Variants in MTA3 observed in about 807,000 individuals in gnomAD.
MTA3 encodes metastasis-associated protein MTA3.
MTA3 carries 34 observed loss-of-function variants against 83.5 expected under a neutral mutation model. That is an observed-to-expected ratio of 0.41 (90% CI 0.31 to 0.54). The LOEUF (loss-of-function observed/expected upper bound fraction) is 0.54, where lower values mean the gene tolerates loss of function less well. Among genes scored for constraint, MTA3 ranks in the 20% least tolerant of loss-of-function variants. MTA3 has a pLI of 0.33. For synonymous variants in MTA3, 303 were observed against 252.7 expected (o/e 1.20, Z -1.89); for missense variants, 761 against 726.4 (o/e 1.05, Z -0.55).
intron 4 of MTA3, among the ~76,000 whole-genome samples, chr2:42,638,738 G>C (rs1239583464): frequency 6.7e-6 from 1 of 148,804 alleles, no homozygotes; most frequent in Non-Finnish European, 1.5e-5. Context: ...TAATCTACTT[G>C]AATAAAATAT....
intron 14 of MTA3, 183 bp downstream of exon 14, chr2:42,709,279 G>GAA (rs11397049): frequency 3.6e-3 from 4,550 of 1,255,336 alleles, no homozygotes; most frequent in East Asian, 0.011. Flanking sequence ...TGCCAACCTG[G>GAA]AAAAAAAAAA....
At chr2:42,737,840 T>C (rs2104575673) in intron 16 of MTA3, among the ~76,000 whole-genome samples, 1 of 152,342 alleles carries the variant, frequency 6.6e-6, no homozygotes, top group South Asian at 2.1e-4. Context: ...AGGCCCAGAT[T>C]TGTATATTGA....
intron 16 of MTA3, among the ~76,000 whole-genome samples, chr2:42,750,021 C>T (rs113113741): frequency 5.9e-5 from 9 of 151,636 alleles, no homozygotes; most frequent in African/African-American, 2.2e-4. Context: ...GAGACGGAGT[C>T]TCACTCTGTC....
intron 4 of MTA3, among the ~76,000 whole-genome samples, chr2:42,626,682 T>G (rs1445304877): frequency 1.3e-5 from 2 of 152,166 alleles, no homozygotes; most frequent in Non-Finnish European, 2.9e-5. Flanking sequence ...GACTAGAAAA[T>G]TCTTCAGGAC....
At chr2:42,527,304 C>T (rs1422641586) in intron 2 of MTA3, among the ~76,000 whole-genome samples, 1 of 152,098 alleles carries the variant, frequency 6.6e-6, no homozygotes, top group East Asian at 1.9e-4. Context: ...AAGTTTGAAT[C>T]CTTCATTTGC....
Position 42,629,534 on chromosome 2 carries a change from A to G in MTA3, c.318-10639A>G, listed in dbSNP as rs566248782. On this transcript the variant is annotated intron_variant, in intron 4 of 16. Transcript: ENST00000405094. ...TACTCTGAGACACCAGGTTGCAGCA[A>G]AGAAGGAGGTTTAATTGTAAGGTCC... Among the ~76,000 whole-genome samples, 6 of 152,298 alleles carry G rather than the reference A, an allele frequency of 3.9e-5. No homozygotes were observed. The South Asian group carries it at 1.0e-3, about 26-fold the overall frequency.
At chr2:42,627,725 A>ATTTTTTT (rs869227831) in intron 4 of MTA3, among the ~76,000 whole-genome samples, 1,549 of 102,446 alleles carry the variant, frequency 0.015, no homozygotes, top group East Asian at 0.019. Flanking sequence ...GCCTGGCTAA[A>ATTTTTTT]TTTTTTTTTT....
chr2:42,513,196 T>C (rs1359599666), intron 2 of MTA3, among the ~76,000 whole-genome samples: 1 of 152,226 alleles, frequency 6.6e-6, no homozygotes, highest in Admixed American at 6.5e-5. Context: ...CTTTGTTACA[T>C]GTTTAAGTTA....
intron 3 of MTA3, among the ~76,000 whole-genome samples, chr2:42,602,011 TG>T (rs1426772549): frequency 6.6e-6 from 1 of 152,220 alleles, no homozygotes; most frequent in African/African-American, 2.4e-5. Flanking sequence ...GGCTAATTTT[TG>T]TATTTTTAGT....
At chr2:42,528,663 A>G (rs937257059) in intron 2 of MTA3, among the ~76,000 whole-genome samples, 5 of 152,188 alleles carry the variant, frequency 3.3e-5, no homozygotes, top group Admixed American at 3.3e-4. Flanking sequence ...TGATCTTCGG[A>G]AAATTGCCTG....
intron 8 of MTA3, among the ~76,000 whole-genome samples, chr2:42,667,578 G>GTGTGTGTGTGTGTGTGTGTGTT (rs1690357873): frequency 2.5e-4 from 33 of 129,912 alleles, no homozygotes; most frequent in East Asian, 8.3e-4. Context: ...AATTGTGTGT[G>GTGTGTGTGTGTGTGTGTGTGTT]TGTGTGTGTG....
chr2:42,540,484 T>C (rs185797793), intron 2 of MTA3, among the ~76,000 whole-genome samples: 224 of 152,192 alleles, frequency 1.5e-3, no homozygotes, highest in Non-Finnish European at 2.5e-3. Context: ...TAAATACCCT[T>C]GACAGGGGAA....
At chr2:42,692,667 T>A (rs996478546) in intron 9 of MTA3, among the ~76,000 whole-genome samples, 1 of 152,210 alleles carries the variant, frequency 6.6e-6, no homozygotes, top group Non-Finnish European at 1.5e-5. Context: ...CCTTACGTGA[T>A]CCTCCTGCCA....
At chr2:42,599,146 A>C (rs928709825) in intron 3 of MTA3, among the ~76,000 whole-genome samples, 17 of 152,082 alleles carry the variant, frequency 1.1e-4, no homozygotes, top group Admixed American at 1.3e-4. Context: ...CCTTTCCGCA[A>C]GTTTTTCCTG....
At chr2:42,515,862 A>G (rs1436206482) in intron 2 of MTA3, among the ~76,000 whole-genome samples, 1 of 146,404 alleles carries the variant, frequency 6.8e-6, no homozygotes, top group Non-Finnish European at 1.5e-5. Context: ...TTTTGAGACA[A>G]GAGTCTCGCT....
At chr2:42,683,729 C>A (rs534027753) in intron 9 of MTA3, among the ~76,000 whole-genome samples, 32 of 152,170 alleles carry the variant, frequency 2.1e-4, no homozygotes, top group African/African-American at 5.8e-4. Context: ...GGTTCATGCT[C>A]CCGTGAGAAT....
intron 14 of MTA3, among the ~76,000 whole-genome samples, chr2:42,712,541 T>A (rs1666712327): frequency 6.6e-6 from 1 of 151,308 alleles, no homozygotes; most frequent in African/African-American, 2.5e-5. Flanking sequence ...ATTATTTTAA[T>A]AATCTTTATA....
intron 5 of MTA3, among the ~76,000 whole-genome samples, chr2:42,643,891 G>T (rs752676996): frequency 6.6e-6 from 1 of 152,124 alleles, no homozygotes; most frequent in South Asian, 2.1e-4. Context: ...ACAAATAATA[G>T]AACTTTATAA....
intron 2 of MTA3, among the ~76,000 whole-genome samples, chr2:42,574,593 C>T (rs1373203726): frequency 6.6e-6 from 1 of 152,120 alleles, no homozygotes; most frequent in Admixed American, 6.6e-5. Context: ...CCTGCCACCA[C>T]ACCCAGCTAA....
Sources: gnomAD v4.1 joint callset for allele counts (sites outside exome capture counted in the v4.1 genomes callset) on GRCh38, gnomAD v4.1.1 for gene constraint, MANE v1.5 for transcripts, NCBI Gene and HGNC (gene_info 2026-07-23, HGNC 2026-07-21) for gene names.